Variants in MMS19 observed in about 807,000 individuals in gnomAD.
MMS19 encodes the protein MMS19 cytosolic iron-sulfur assembly component.
A neutral mutation model predicts 129.8 loss-of-function variants in MMS19; 77 were observed. The observed-to-expected ratio is 0.59, with a 90% confidence interval of 0.49 to 0.72. MMS19 has a LOEUF of 0.72. MMS19 is among the 30% of genes least tolerant of loss of function. The probability of loss-of-function intolerance (pLI) is 0.00; values close to 1 mark genes in which losing one functional copy is unlikely to be tolerated. For missense variants in MMS19, 1,168 were observed against 1,266.3 expected, an observed-to-expected ratio of 0.92 and a Z score of 1.18; for synonymous variants, 491 against 502.8, an observed-to-expected ratio of 0.98 and a Z score of 0.31.
In MMS19 at chr10:97,462,087, G is replaced by T; in HGVS notation, c.2045C>A (p.Pro682His). Reference protein sequence around the residue: ...LAAQSVTHIVPLFLDGNVSFL... With the variant: ...LAAQSVTHIVHLFLDGNVSFL... Reference sequence around the variant, plus strand: ...GGACACGTTGCCATCCAAGAAGAGGGGCACAATGTGTGTCACACTCTGGGC... The same window carrying T: ...GGACACGTTGCCATCCAAGAAGAGGTGCACAATGTGTGTCACACTCTGGGC... The change falls in exon 21 of 31, where the codon CCC (proline) becomes CAC (histidine). Residue 682 changes from proline to histidine, a missense_variant. Physicochemically the swap from Pro to His is moderately conservative, Grantham distance 77. This residue lies in a region of MMS19 where 831 missense variants were observed against 910.8 expected (regional missense o/e 0.91). Coordinates refer to ENST00000438925, the MANE Select transcript of MMS19 (RefSeq NM_022362.5). The T allele has an allele frequency of 1.3e-6, 2 of 1,586,116 alleles. No individual in the cohort carries two copies. The highest frequency in any genetic ancestry group is 2.3e-5 in the East Asian group (1 of 43,678).
intron 1 of MMS19, among the ~76,000 whole-genome samples, chr10:97,484,777 C>G (rs750530497): frequency 1.3e-5 from 2 of 152,056 alleles, no homozygotes; most frequent in African/African-American, 2.4e-5. Flanking sequence ...ATTAGCCAGG[C>G]GTGGTGGCAT....
intron 3 of MMS19, among the ~76,000 whole-genome samples, chr10:97,480,736 G>C (rs879752620): frequency 6.6e-5 from 10 of 152,128 alleles, no homozygotes. Flanking sequence ...ACCATGCCCA[G>C]CTAACGTTTT....
intron 26 of MMS19, 32 bp from the exon 27 acceptor site, chr10:97,459,773 T>C (rs750927083): frequency 1.8e-5 from 28 of 1,521,084 alleles, no homozygotes; most frequent in Non-Finnish European, 2.3e-5. Flanking sequence ...AGGGGAGAAA[T>C]TGGACTTAGA....
chr10:97,473,427 C>T (rs922065471), intron 8 of MMS19, among the ~76,000 whole-genome samples: 2 of 152,080 alleles, frequency 1.3e-5, no homozygotes, highest in Non-Finnish European at 2.9e-5. Flanking sequence ...AAAAAATTCT[C>T]ACTTCTTCAT....
chr10:97,479,295 T>C (rs1031651594), intron 3 of MMS19, among the ~76,000 whole-genome samples: 1 of 152,150 alleles, frequency 6.6e-6, no homozygotes, highest in Non-Finnish European at 1.5e-5. Context: ...GGAAAGGAAA[T>C]TCGTTCATCA....
In MMS19 at chr10:97,460,101, C is replaced by G; in HGVS notation, c.2601G>C (p.Arg867=). The change falls in exon 26 of 31, where the codon CGG becomes CGC. Residue 867 remains arginine (R), a synonymous_variant. Coordinates refer to ENST00000438925, the MANE Select transcript of MMS19 (RefSeq NM_022362.5). ...AAGCAGGCACATTATCTGTGAAGAA[C>G]CGCTGGCGGAACATGATCCGCACTT... ...HAEVRIMFRQ[R]FFTDNVPALV... is the part of the protein sequence containing the mutation. 6.2e-7 allele frequency: 1 copy of G among 1,614,068 alleles called. No homozygotes were observed. Among genetic ancestry groups the G allele is most frequent in the Non-Finnish European group, 8.5e-7 (1 of 1,179,908 alleles).
At chr10:97,490,339 C>T (rs1271686379) in intron 1 of MMS19, among the ~76,000 whole-genome samples, 1 of 152,194 alleles carries the variant, frequency 6.6e-6, no homozygotes, top group East Asian at 1.9e-4. Flanking sequence ...CTTGACCTCT[C>T]AAAGTGCTGG....
Position 97,470,879 on chromosome 10 carries a change from G to A in MMS19, c.685-18C>T. The A allele has an allele frequency of 6.2e-7, 1 of 1,611,800 alleles. No homozygotes were observed. ...TTAGGTGGCTGGAAAAGGGAGAAGG[G>A]CTGTGGGTTTGTGTAACATTTCAGA... On this transcript the variant is annotated intron_variant, in intron 8 of 30. Transcript: ENST00000438925.
In MMS19 at chr10:97,492,860, CAAA is replaced by C. The variant is rs67491435; in HGVS notation, c.112+5410_112+5412del. Among the ~76,000 whole-genome samples the C allele has an allele frequency of 5.2e-3, 552 of 106,052 alleles. 2 individuals are homozygous for C. The highest frequency in any genetic ancestry group is 7.5e-3 in the Non-Finnish European group (380 of 50,554). The allele number at this position is 106,052 out of a possible 152,430, so 69.6% of individuals were successfully genotyped here. A position where few individuals can be genotyped will look rare whatever the true frequency, so the allele number is the denominator to read the frequency against. On this transcript the variant is annotated intron_variant, in intron 1 of 30. Coordinates refer to ENST00000438925, the MANE Select transcript of MMS19 (RefSeq NM_022362.5). ...GGCAACAGAGCAAGACTTCATCTCC[CAAA>C]AAAAAAAAAAAAAAAGCCATATGTT...
chr10:97,473,386 A>G (rs2035136891), intron 8 of MMS19, among the ~76,000 whole-genome samples: 1 of 152,116 alleles, frequency 6.6e-6, no homozygotes, highest in South Asian at 2.1e-4. Context: ...AATGAGAGAC[A>G]AGATTGAAGG....
chr10:97,474,711 C>T (rs1352715409), intron 8 of MMS19, among the ~76,000 whole-genome samples: 1 of 152,110 alleles, frequency 6.6e-6, no homozygotes, highest in Non-Finnish European at 1.5e-5. Context: ...CAGTGCAGAA[C>T]AACATACAAA....
At chr10:97,487,567 C>A (rs994089731) in intron 1 of MMS19, among the ~76,000 whole-genome samples, 3 of 152,066 alleles carry the variant, frequency 2.0e-5, no homozygotes, top group Non-Finnish European at 4.4e-5. Flanking sequence ...GATCTGCTGG[C>A]CTTGGCCTCC....
At chr10:97,496,439 T>C (rs1031994746) in intron 1 of MMS19, among the ~76,000 whole-genome samples, 2 of 146,036 alleles carry the variant, frequency 1.4e-5, no homozygotes, top group Admixed American at 7.0e-5. Context: ...TGCTTGAGCA[T>C]AGGTCGAGGC....
intron 16 of MMS19, 106 bp downstream of exon 16, chr10:97,466,398 G>T: frequency 1.1e-6 from 1 of 952,284 alleles, no homozygotes; most frequent in South Asian, 1.4e-5. Context: ...CTCCCCTAAG[G>T]AGAGCCAAGG....
chr10:97,475,073 G>A (rs1401805382), intron 8 of MMS19, among the ~76,000 whole-genome samples: 2 of 152,192 alleles, frequency 1.3e-5, no homozygotes, highest in East Asian at 3.9e-4. Context: ...ACAATCCACA[G>A]AGGACTAGTG....
At chr10:97,468,919 G>A (rs768828094) in intron 12 of MMS19, 47 bp downstream of exon 12, 38 of 1,552,058 alleles carry the variant, frequency 2.4e-5, no homozygotes, top group Admixed American at 1.2e-4. Flanking sequence ...AAGGAATGTC[G>A]TTTCTATTGT....
intron 18 of MMS19, among the ~76,000 whole-genome samples, chr10:97,464,681 T>C (rs2032970180): frequency 6.6e-6 from 1 of 151,828 alleles, no homozygotes; most frequent in Admixed American, 6.6e-5. Context: ...ACATGAAAAT[T>C]ACCTAGGTAA....
At chr10:97,485,988 G>T (rs1020096080) in intron 1 of MMS19, among the ~76,000 whole-genome samples, 1 of 152,148 alleles carries the variant, frequency 6.6e-6, no homozygotes, top group Non-Finnish European at 1.5e-5. Flanking sequence ...ATATCCAAAG[G>T]AAATGAAATC....
At chr10:97,498,456 C>T (rs562528648), upstream of MMS19, 3 of 1,529,400 alleles carry the variant, frequency 2.0e-6, no homozygotes, top group Admixed American at 2.0e-5. Flanking sequence ...ATGCGCCTCC[C>T]GAGCCAATCT....
Sources: gnomAD v4.1 joint callset for allele counts (sites outside exome capture counted in the v4.1 genomes callset) on GRCh38, gnomAD v4.1.1 for gene constraint, gnomAD v4.1.1 regional missense constraint, MANE v1.5 for transcripts, NCBI Gene and HGNC (gene_info 2026-07-23, HGNC 2026-07-21) for gene names.